The following SGCZ variants were observed in gnomAD, a reference collection of about 807,000 sequenced individuals.
The protein encoded by SGCZ is zeta-sarcoglycan.
Under a neutral mutation model 41.3 loss-of-function variants are expected in SGCZ, and 40 were observed. That is an observed-to-expected ratio of 0.97 (90% confidence interval 0.75 to 1.26). The LOEUF (loss-of-function observed/expected upper bound fraction) is 1.26. SGCZ is among the 50% of genes most tolerant of loss of function. The pLI is 0.00. For synonymous variants in SGCZ, 206 were observed against 137.5 expected (o/e 1.50, Z -3.49); for missense variants, 552 against 369.8 (o/e 1.49, Z -4.04).
intron 2 of SGCZ, among the ~76,000 whole-genome samples, chr8:14,446,475 T>A: frequency 6.6e-6 from 1 of 152,198 alleles, no homozygotes; most frequent in East Asian, 1.9e-4. Flanking sequence ...ATAAATTGTA[T>A]AGAGATTCAT....
chr8:14,457,338 C>T (rs769836906), intron 2 of SGCZ, among the ~76,000 whole-genome samples: 2 of 152,198 alleles, frequency 1.3e-5, no homozygotes, highest in Admixed American at 6.5e-5. Context: ...GTGACGCCAG[C>T]GTCTGGGAAG....
chr8:14,425,123 C>G (rs1286820820), intron 2 of SGCZ, among the ~76,000 whole-genome samples: 1 of 152,006 alleles, frequency 6.6e-6, no homozygotes, highest in Non-Finnish European at 1.5e-5. Flanking sequence ...TGTCCAGCGA[C>G]AACATTAGCC....
intron 1 of SGCZ, among the ~76,000 whole-genome samples, chr8:15,097,600 A>T (rs1197747122): frequency 6.6e-6 from 1 of 151,414 alleles, no homozygotes; most frequent in African/African-American, 2.4e-5. Flanking sequence ...AATAAAAATT[A>T]AAAAAAATCA....
intron 1 of SGCZ, among the ~76,000 whole-genome samples, chr8:15,198,419 C>T (rs4831690): frequency 0.37 from 55,700 of 151,826 alleles, 11,764 homozygotes; most frequent in Non-Finnish European, 0.46. Flanking sequence ...TATCTTTATT[C>T]TAGTCTATCC....
chr8:14,383,903 C>T (rs937632365), intron 2 of SGCZ, among the ~76,000 whole-genome samples: 1 of 149,008 alleles, frequency 6.7e-6, no homozygotes, highest in African/African-American at 2.6e-5. Context: ...AAGTAACACG[C>T]TCCAAATTTG....
At chr8:14,293,124 G>A (rs910207205) in intron 3 of SGCZ, among the ~76,000 whole-genome samples, 1 of 151,918 alleles carries the variant, frequency 6.6e-6, no homozygotes, top group African/African-American at 2.4e-5. Flanking sequence ...GTCCTTGTAA[G>A]CTTAAATGGA....
At chr8:14,229,661 A>G (rs1427600636) in intron 4 of SGCZ, among the ~76,000 whole-genome samples, 4 of 151,472 alleles carry the variant, frequency 2.6e-5, no homozygotes, top group Admixed American at 2.6e-4. Context: ...AAAAAAAAAA[A>G]AAGAGTCAAT....
At chr8:14,153,596 CTG>C (rs1803780035) in intron 5 of SGCZ, among the ~76,000 whole-genome samples, 4 of 152,090 alleles carry the variant, frequency 2.6e-5, no homozygotes, top group Admixed American at 2.6e-4. Context: ...CACAAAAGGC[CTG>C]TGTTTCAGCC....
At chr8:14,497,106 G>C (rs568954131) in intron 2 of SGCZ, among the ~76,000 whole-genome samples, 2 of 152,100 alleles carry the variant, frequency 1.3e-5, no homozygotes, top group African/African-American at 2.4e-5. Context: ...TTTTGGTTAC[G>C]CGTCACAATC....
At chr8:15,012,440 G>T (rs1402997362) in intron 1 of SGCZ, among the ~76,000 whole-genome samples, 5 of 148,214 alleles carry the variant, frequency 3.4e-5, no homozygotes. Context: ...TCCAGCCTGG[G>T]TGACACAGTA....
intron 3 of SGCZ, among the ~76,000 whole-genome samples, chr8:14,305,946 A>C (rs548096229): frequency 2.0e-5 from 3 of 152,214 alleles, no homozygotes; most frequent in Non-Finnish European, 4.4e-5. Flanking sequence ...GGATGAGACC[A>C]CATGGAGTGC....
At chr8:14,557,248 T>A (rs1400621715) in intron 1 of SGCZ, among the ~76,000 whole-genome samples, 1 of 151,234 alleles carries the variant, frequency 6.6e-6, no homozygotes, top group Non-Finnish European at 1.5e-5. Flanking sequence ...GAGAACTGTC[T>A]ATTTATGTCC....
At chr8:14,140,692 C>CTT (rs1803341637) in intron 5 of SGCZ, among the ~76,000 whole-genome samples, 1 of 152,136 alleles carries the variant, frequency 6.6e-6, no homozygotes, top group Non-Finnish European at 1.5e-5. Context: ...AATGGAAGAA[C>CTT]ATTCCATGCT....
intron 1 of SGCZ, among the ~76,000 whole-genome samples, chr8:14,872,864 A>C (rs1007528601): frequency 6.6e-6 from 1 of 152,156 alleles, no homozygotes; most frequent in African/African-American, 2.4e-5. Flanking sequence ...ATTCTCAAAA[A>C]ATATGATGCA....
At chr8:14,772,375 A>C in intron 1 of SGCZ, among the ~76,000 whole-genome samples, 1 of 152,144 alleles carries the variant, frequency 6.6e-6, no homozygotes, top group East Asian at 1.9e-4. Flanking sequence ...AAATATAAAT[A>C]TTTTCATCCA....
chr8:14,477,260 G>A (rs1042255494), intron 2 of SGCZ, among the ~76,000 whole-genome samples: 14 of 152,088 alleles, frequency 9.2e-5, no homozygotes, highest in Non-Finnish European at 1.8e-4. Flanking sequence ...GGAGAAGGCT[G>A]TTGGCAAAAC....
chr8:14,258,998 A>G (rs1343422120), intron 3 of SGCZ, among the ~76,000 whole-genome samples: 1 of 152,260 alleles, frequency 6.6e-6, no homozygotes, highest in African/African-American at 2.4e-5. Flanking sequence ...TCATCACATC[A>G]TATATTTAGC....
In SGCZ at chr8:14,666,662, C is replaced by T. The variant is rs562179497; in HGVS notation, c.40-111736G>A. ...CAGTACCCTAATAGAGAGACAAGGACATATCTTGTTGGTAGAATTTGCAAA... is the reference window on the plus strand; with the variant it reads ...CAGTACCCTAATAGAGAGACAAGGATATATCTTGTTGGTAGAATTTGCAAA... On this transcript the variant is annotated intron_variant, in intron 1 of 7. Coordinates refer to ENST00000382080, the MANE Select transcript of SGCZ (RefSeq NM_139167.4). 3.7e-4 allele frequency among the ~76,000 whole-genome samples: 47 copies of T among 128,738 alleles called. No homozygotes were observed. In the Admixed American group the frequency reaches 4.0e-3, roughly 11 times the overall value. 84.5% of individuals were successfully genotyped at this position (128,738 alleles called of 152,430 possible).
rs147948234 is a variant in SGCZ, at chr8:15,107,105, T to C, written c.39+130480A>G. Among the ~76,000 whole-genome samples the C allele has an allele frequency of 4.7e-3, 723 of 152,322 alleles. 8 individuals carry two copies. Among genetic ancestry groups the C allele is most frequent in the African/African-American group, 0.016 (665 of 41,572 alleles). ...TATTTGTTAATGCACCATTCTTTTC[T>C]AATTAATATTTGTATTACTTTATAG... is the stretch of plus-strand genomic sequence containing the variant. On this transcript the variant is annotated intron_variant, in intron 1 of 7. Transcript: ENST00000382080.
Sources: gnomAD v4.1 joint callset for allele counts (sites outside exome capture counted in the v4.1 genomes callset) on GRCh38, gnomAD v4.1.1 for gene constraint, MANE v1.5 for transcripts, NCBI Gene and HGNC (gene_info 2026-07-23, HGNC 2026-07-21) for gene names.